The following CROCC variants were observed in gnomAD, a reference collection of about 807,000 sequenced individuals.
The protein encoded by CROCC is rootletin.
In CROCC, 180 loss-of-function variants were observed where a neutral mutation model predicts 245.2. The observed-to-expected ratio is 0.73, with a 90% CI of 0.65 to 0.83. The LOEUF (loss-of-function observed/expected upper bound fraction) is 0.83. Among genes scored for constraint, CROCC ranks in the 40% least tolerant of loss-of-function variants. The pLI is 0.00. For synonymous variants in CROCC, 1,205 were observed against 1,241.6 expected (o/e 0.97, Z 0.62); for missense variants, 2,688 against 2,779.4 (o/e 0.97, Z 0.74).
Position 16,954,957 on chromosome 1 carries a change from A to G in CROCC, c.3465+80A>G. 1 of 1,428,272 alleles carries G rather than the reference A, an allele frequency of 7.0e-7. No individual in the cohort carries two copies. 88.5% of individuals were successfully genotyped at this position (1,428,272 alleles called of 1,614,324 possible). ...TGGGGGCCTAGTTCCCCAGGGCCCC[A>G]GAAGAGTGTAAGATTCCTCCCTGCA... On this transcript the variant is annotated intron_variant, in intron 23 of 36. Transcript: ENST00000375541. The surrounding 1 kb of genome is among the most constrained non-coding windows in gnomAD (Gnocchi z 4.4).
At position 16,955,490 on chromosome 1, in the gene CROCC, T is replaced by C; in HGVS notation, c.3644T>C (p.Leu1215Pro). Residue 1215 changes from leucine (L) to proline (P), a missense_variant, in exon 24 of 37, where the codon CTG (leucine) becomes CCG (proline). This residue lies in a region of CROCC where 1,218 missense variants were observed against 1,286.3 expected (regional missense o/e 0.95). Transcript: ENST00000375541. ...GAGGGTGCCAAGGAGCGCGAGGCCC[T>C]GCGGCGTTCCAATGAGGAGCTTCGG... Reference protein sequence around the residue: ...LGEGAKEREALRRSNEELRSA... With the variant: ...LGEGAKEREAPRRSNEELRSA... 6.3e-7 allele frequency: 1 copy of C among 1,579,766 alleles called. No individual in the cohort carries two copies. The highest frequency in any genetic ancestry group is 8.6e-7 in the Non-Finnish European group (1 of 1,166,654).
intron 13 of CROCC, among the ~76,000 whole-genome samples, chr1:16,943,842 G>C (rs1238015906): frequency 6.6e-6 from 1 of 152,286 alleles, no homozygotes; most frequent in Non-Finnish European, 1.5e-5. Context: ...CTTCTACCTG[G>C]TAGGGTGCTT....
At chr1:16,960,656 T>A in intron 26 of CROCC, 102 bp from the exon 27 acceptor site, 1 of 1,336,722 alleles carries the variant, frequency 7.5e-7, no homozygotes, top group Non-Finnish European at 9.6e-7. Context: ...AGGGTTGTAC[T>A]GACCACACAG....
rs1299236806 is a variant in CROCC, at chr1:16,971,453, C to A, written c.5785-12C>A. 9 of 1,530,526 alleles carry A rather than the reference C, an allele frequency of 5.9e-6. No homozygotes were observed. The South Asian group carries it at 8.4e-5, about 14-fold the overall frequency. 94.8% of individuals were successfully genotyped at this position (1,530,526 alleles called of 1,614,324 possible). A position where few individuals can be genotyped will look rare whatever the true frequency, so the allele number is the denominator to read the frequency against. On this transcript the variant is annotated splice_polypyrimidine_tract_variant and intron_variant, in intron 35 of 36. Coordinates refer to ENST00000375541, the MANE Select transcript of CROCC (RefSeq NM_014675.5). Reference sequence around the variant, plus strand: ...ACTGGGCCAGAACGCGGACCACAGCCCCTCCCTGCAGGCGCAGGTGGTGGT... The same window carrying A: ...ACTGGGCCAGAACGCGGACCACAGCACCTCCCTGCAGGCGCAGGTGGTGGT...
Position 16,953,347 on chromosome 1 carries a change from A to G in CROCC, c.3052A>G (p.Ser1018Gly), listed in dbSNP as rs1280022508. 1.2e-6 allele frequency: 2 copies of G among 1,606,300 alleles called. No homozygotes were observed. The highest frequency in any genetic ancestry group is 1.7e-6 in the Non-Finnish European group (2 of 1,178,022). The change falls in exon 21 of 37, where the codon AGT becomes GGT. Residue 1018 changes from serine (S) to glycine (G), a missense_variant. Physicochemically the swap from Ser to Gly is moderately conservative, Grantham distance 56. This residue lies in a region of CROCC where 106 missense variants were observed against 126.1 expected (regional missense o/e 0.84). Transcript: ENST00000375541. ...ELEAERAQLQ[S>G]QLQREQEELL... is the part of the protein sequence containing the mutation. ...GGAGGCCGAGCGGGCCCAGCTGCAG[A>G]GTCAGCTGCAGCGTGAGCAGGAGGA...
chr1:16,947,846 G>T (rs1159590210), intron 17 of CROCC, among the ~76,000 whole-genome samples: 1 of 151,844 alleles, frequency 6.6e-6, no homozygotes, highest in African/African-American at 2.4e-5. Context: ...TTTTGTTGTT[G>T]TTTTTTTTTC....
chr1:16,960,624 A>T, intron 26 of CROCC, 134 bp from the exon 27 acceptor site: 2 of 1,199,906 alleles, frequency 1.7e-6, no homozygotes, highest in Middle Eastern at 3.2e-4. Context: ...CGCCTGCTTG[A>T]GTGGCGAGCA....
At chr1:16,916,689 T>C (rs2075308635) in intron 1 of CROCC, among the ~76,000 whole-genome samples, 2 of 152,290 alleles carry the variant, frequency 1.3e-5, no homozygotes, top group Admixed American at 1.3e-4. Flanking sequence ...TTTTTTATTT[T>C]TTTGGCAGAG....
At chr1:16,964,912 C>G (rs1482705955) in intron 27 of CROCC, among the ~76,000 whole-genome samples, 1 of 152,180 alleles carries the variant, frequency 6.6e-6, no homozygotes, top group Non-Finnish European at 1.5e-5. Context: ...AACTCCTGAC[C>G]TCAGGTGATC....
upstream of CROCC, among the ~76,000 whole-genome samples, chr1:16,918,790 A>G (rs542592181): frequency 5.9e-3 from 873 of 147,130 alleles, no homozygotes; most frequent in Non-Finnish European, 9.5e-3. Flanking sequence ...AGGCTGGAGT[A>G]CAGTGGTGCG....
intron 18 of CROCC, 70 bp from the exon 19 acceptor site, chr1:16,948,729 C>T (rs2076106720): frequency 1.3e-6 from 2 of 1,595,448 alleles, no homozygotes; most frequent in Non-Finnish European, 1.7e-6. Context: ...CTGGCCACTC[C>T]CTGAGATCCA....
chr1:16,958,013 G>T (rs1255375855), intron 25 of CROCC, among the ~76,000 whole-genome samples: 3 of 152,060 alleles, frequency 2.0e-5, no homozygotes, highest in Non-Finnish European at 4.4e-5. Flanking sequence ...TGCTCCTGTG[G>T]GGAAATAGGG....
chr1:16,945,341 T>C, intron 14 of CROCC, 121 bp from the exon 15 acceptor site: 1 of 1,451,136 alleles, frequency 6.9e-7, no homozygotes, highest in African/African-American at 1.4e-5. Context: ...GCCCTGTGGC[T>C]CAGGCTGTTT....
intron 3 of CROCC, among the ~76,000 whole-genome samples, chr1:16,929,616 C>T (rs529317809): frequency 2.0e-5 from 3 of 152,406 alleles, no homozygotes; most frequent in Admixed American, 6.5e-5. Flanking sequence ...GGTTTGTGGG[C>T]TCACCTGCAT....
upstream of CROCC, among the ~76,000 whole-genome samples, chr1:16,919,446 A>G (rs1458074735): frequency 6.6e-6 from 1 of 152,292 alleles, no homozygotes; most frequent in East Asian, 1.9e-4. Flanking sequence ...GGGGCACAGC[A>G]TGGAGCAGAG....
upstream of CROCC, among the ~76,000 whole-genome samples, chr1:16,921,428 C>T (rs949834448): frequency 1.3e-5 from 2 of 152,290 alleles, no homozygotes; most frequent in African/African-American, 4.8e-5. Context: ...ACCGCTCATG[C>T]CCAACTAAGT....
chr1:16,971,612 GC>G lies in CROCC; in HGVS notation c.5935del (p.His1979ThrfsTer15). The part of the protein sequence containing the change: ...TERTLEARER[A>X]HRQRVRGLEE... ...GCGCACCCTGGAGGCTCGGGAGCGGGCCCACCGCCAGAGGGTGCGTGGGCTG... is the reference window on the plus strand; with the variant it reads ...GCGCACCCTGGAGGCTCGGGAGCGGGCCACCGCCAGAGGGTGCGTGGGCTG... On this transcript the variant is annotated frameshift_variant, in exon 36 of 37. Coordinates refer to ENST00000375541, the MANE Select transcript of CROCC (RefSeq NM_014675.5). LOFTEE classifies it high-confidence loss of function. The G allele has an allele frequency of 6.6e-7, 1 of 1,517,710 alleles. No homozygotes were observed. The allele number at this position is 1,517,710 out of a possible 1,614,324, so 94.0% of individuals were successfully genotyped here.
chr1:16,922,917 G>A, intron 2 of CROCC, 119 bp downstream of exon 2: 22 of 1,411,670 alleles, frequency 1.6e-5, no homozygotes, highest in Non-Finnish European at 2.0e-5. Flanking sequence ...GGCAGGCACA[G>A]CTTTATGACA....
intron 32 of CROCC, 122 bp from the exon 33 acceptor site, chr1:16,969,663 C>T (rs2076480343): frequency 7.1e-7 from 1 of 1,408,270 alleles, no homozygotes; most frequent in Admixed American, 2.3e-5. Flanking sequence ...TGGTGTGCAC[C>T]CCACCCTCCA....
Sources: gnomAD v4.1 joint callset for allele counts (sites outside exome capture counted in the v4.1 genomes callset) on GRCh38, gnomAD v4.1.1 for gene constraint, gnomAD v4.1.1 regional missense constraint, Gnocchi (gnomAD v3.1) non-coding constraint, MANE v1.5 for transcripts, NCBI Gene and HGNC (gene_info 2026-07-23, HGNC 2026-07-21) for gene names.